PGPEP1: variants seen among roughly 807,000 people sequenced by gnomAD.
The protein encoded by PGPEP1 is pyroglutamyl-peptidase I, also known as pyroglutamyl-peptidase 1.
In PGPEP1, 15 loss-of-function variants were observed where a neutral mutation model predicts 24.1. The ratio of observed to expected loss-of-function variants is 0.62; its 90% CI spans 0.42 to 0.96. The LOEUF is 0.96. Ranked by LOEUF, PGPEP1 falls within the 40% of genes least tolerant of loss-of-function variation. The pLI, the probability that PGPEP1 is intolerant of heterozygous loss-of-function variation, is 0.00. For missense variants in PGPEP1, 242 were observed against 273.4 expected, an observed-to-expected ratio of 0.89 and a Z score of 0.81; for synonymous variants, 122 against 116.4, an observed-to-expected ratio of 1.05 and a Z score of -0.31.
rs1971610240 is a variant in PGPEP1 at position 18,368,264 on chromosome 19, C to A, written c.*4681C>A. ...ACCAGCCTGGCCAACATAGCAAAAC[C>A]CCATCTCTACTAAAAATACAAAAAT... On this transcript the variant is annotated 3_prime_UTR_variant, in exon 5 of 5. Transcript: ENST00000269919. 1 of 152,092 alleles carries A rather than the reference C, an allele frequency of 6.6e-6. No homozygotes were observed. The highest frequency in any genetic ancestry group is 2.4e-5 in the African/African-American group (1 of 41,422). The allele number at this position is 152,092 out of a possible 1,614,324, so 9.4% of individuals were successfully genotyped here.
chr19:18,347,270 C>CTTTCT (rs71336674), intron 2 of PGPEP1, among the ~76,000 whole-genome samples: 5 of 94,412 alleles, frequency 5.3e-5, no homozygotes, highest in African/African-American at 1.2e-4. Flanking sequence ...TTCTTTCTTT[C>CTTTCT]TTTTTTTTTT....
In PGPEP1 at chr19:18,367,143, A is replaced by G; in HGVS notation, c.*3560A>G. 1 of 139,754 alleles carries G rather than the reference A, an allele frequency of 7.2e-6. No homozygotes were observed. Among genetic ancestry groups the G allele is most frequent in the African/African-American group, 2.9e-5 (1 of 34,474 alleles). 8.7% of individuals were successfully genotyped at this position (139,754 alleles called of 1,614,324 possible). The stretch of plus-strand genomic sequence containing the variant: ...TGTAGTCCAGCCCGGGTGACACAGC[A>G]AGACTCTGTCTCAAAAAAAAAAAAA... On this transcript the variant is annotated 3_prime_UTR_variant, in exon 5 of 5. Coordinates refer to ENST00000269919, the MANE Select transcript of PGPEP1 (RefSeq NM_017712.4).
chr19:18,347,074 T>G (rs1970870475), intron 2 of PGPEP1, among the ~76,000 whole-genome samples: 1 of 151,554 alleles, frequency 6.6e-6, no homozygotes, highest in South Asian at 2.1e-4. Flanking sequence ...CTTTTTTTTT[T>G]GAGACAGGGT....
rs1971419403 is a variant in PGPEP1, at chr19:18,363,577, AC to A, written c.625del (p.His209ThrfsTer65). The A allele has an allele frequency of 6.2e-7, 1 of 1,612,070 alleles. No individual in the cohort carries two copies. The highest frequency in any genetic ancestry group is 1.1e-5 in the South Asian group (1 of 90,734). On this transcript the variant is annotated frameshift_variant, in exon 5 of 5. Coordinates refer to ENST00000269919, the MANE Select transcript of PGPEP1 (RefSeq NM_017712.4). LOFTEE classifies it high-confidence loss of function. ...SEGKINYCHK[H>X] Reference sequence around the variant, plus strand: ...AGGGCAAAATCAACTATTGCCACAAACACTGAGGGACGCTCAGGTCTCCTAA... The same window carrying A: ...AGGGCAAAATCAACTATTGCCACAAAACTGAGGGACGCTCAGGTCTCCTAA...
chr19:18,342,455 C>A (rs1418871237), intron 1 of PGPEP1, among the ~76,000 whole-genome samples: 1 of 152,166 alleles, frequency 6.6e-6, no homozygotes, highest in African/African-American at 2.4e-5. Flanking sequence ...AAGGTGAAAT[C>A]TAGACAGCCT....
Position 18,369,749 on chromosome 19 carries a change from C to A in PGPEP1, c.*6166C>A, listed in dbSNP as rs966766355. ...CAAAGGTGACTGTGTTTTCTGCCGC[C>A]GAAGGAGGGCCCGGTCCCTCCAGGC... On this transcript the variant is annotated 3_prime_UTR_variant, in exon 5 of 5. Coordinates refer to ENST00000269919, the MANE Select transcript of PGPEP1 (RefSeq NM_017712.4). The A allele has an allele frequency of 6.6e-6, 1 of 152,090 alleles. No homozygotes were observed. The highest frequency in any genetic ancestry group is 1.5e-5 in the Non-Finnish European group (1 of 68,018). 9.4% of individuals were successfully genotyped at this position (152,090 alleles called of 1,614,324 possible). A position where few individuals can be genotyped will look rare whatever the true frequency, so the allele number is the denominator to read the frequency against.
chr19:18,341,142 C>A (rs1970660592), intron 1 of PGPEP1, among the ~76,000 whole-genome samples: 1 of 152,174 alleles, frequency 6.6e-6, no homozygotes, highest in Non-Finnish European at 1.5e-5. Flanking sequence ...GGCCGATTTG[C>A]GGGCAGGAAG....
chr19:18,351,692 T>C (rs973333684), intron 2 of PGPEP1, among the ~76,000 whole-genome samples: 6 of 151,730 alleles, frequency 4.0e-5, no homozygotes, highest in African/African-American at 1.5e-4. Context: ...TACATGCCTG[T>C]AGTCTCAACT....
At position 18,366,931 on chromosome 19, in the gene PGPEP1, A is replaced by C. The variant is rs1971568872; in HGVS notation, c.*3348A>C. On this transcript the variant is annotated 3_prime_UTR_variant, in exon 5 of 5. Transcript: ENST00000269919. ...CACTTTGGGAGGTTGAGGCAGGAGA[A>C]TCCCTTGAGCCAGGAGTTCAAGACC... 1 of 151,910 alleles carries C rather than the reference A, an allele frequency of 6.6e-6. No homozygotes were observed. Among genetic ancestry groups the C allele is most frequent in the African/African-American group, 2.4e-5 (1 of 41,314 alleles). The allele number at this position is 151,910 out of a possible 1,614,324, so 9.4% of individuals were successfully genotyped here.
chr19:18,352,266 C>CAAAAAAAAAAA (rs60299417), intron 2 of PGPEP1, among the ~76,000 whole-genome samples: 10,270 of 42,814 alleles, frequency 0.24, 2,433 homozygotes, highest in Non-Finnish European at 0.35. Flanking sequence ...GACTCCGTCT[C>CAAAAAAAAAAA]AAAAAAAAAA....
At chr19:18,352,430 CA>C (rs368742529) in intron 2 of PGPEP1, among the ~76,000 whole-genome samples, 193 of 137,428 alleles carry the variant, frequency 1.4e-3, no homozygotes, top group Admixed American at 1.8e-3. Flanking sequence ...TAATCCATCT[CA>C]AAAAAAAAAA....
intron 2 of PGPEP1, among the ~76,000 whole-genome samples, chr19:18,354,361 G>A (rs1463264307): frequency 2.0e-5 from 3 of 151,678 alleles, no homozygotes; most frequent in East Asian, 1.9e-4. Flanking sequence ...CGGGTGTGGC[G>A]GTGGGTGCCT....
chr19:18,365,202 C>T lies in PGPEP1; in HGVS notation c.*1619C>T, dbSNP rs1050388622. 1.3e-5 allele frequency: 2 copies of T among 152,112 alleles called. No homozygotes were observed. Among genetic ancestry groups the T allele is most frequent in the Admixed American group, 6.6e-5 (1 of 15,260 alleles). The allele number at this position is 152,112 out of a possible 1,614,324, so 9.4% of individuals were successfully genotyped here. A position where few individuals can be genotyped will look rare whatever the true frequency, so the allele number is the denominator to read the frequency against. On this transcript the variant is annotated 3_prime_UTR_variant, in exon 5 of 5. Coordinates refer to ENST00000269919, the MANE Select transcript of PGPEP1 (RefSeq NM_017712.4). The stretch of plus-strand genomic sequence containing the variant: ...TGCCCATTAGGGAGAGAGGACGACC[C>T]CCACAGTGAAAGTAATTGAGTGAAA...
At chr19:18,359,796 A>G (rs1161841253) in intron 4 of PGPEP1, among the ~76,000 whole-genome samples, 1 of 151,818 alleles carries the variant, frequency 6.6e-6, no homozygotes, top group Non-Finnish European at 1.5e-5. Context: ...TATAGGCCTG[A>G]GCCACCGCGC....
At chr19:18,348,400 C>T (rs1013705669) in intron 2 of PGPEP1, among the ~76,000 whole-genome samples, 2 of 152,148 alleles carry the variant, frequency 1.3e-5, no homozygotes, top group African/African-American at 2.4e-5. Flanking sequence ...TCAGACGAGG[C>T]TGCGCGGCGG....
chr19:18,356,143 G>A, intron 3 of PGPEP1, 132 bp downstream of exon 3: 1 of 644,832 alleles, frequency 1.6e-6, no homozygotes, highest in Non-Finnish European at 2.9e-6. Flanking sequence ...CCTCAAAAGG[G>A]CTTTTCAGGC....
At position 18,364,873 on chromosome 19, in the gene PGPEP1, T is replaced by C. The variant is rs1380989172; in HGVS notation, c.*1290T>C. On this transcript the variant is annotated 3_prime_UTR_variant, in exon 5 of 5. Coordinates refer to ENST00000269919, the MANE Select transcript of PGPEP1 (RefSeq NM_017712.4). ...CTCCACATCAGCGGAAACCCCCCCCTACTTCTGGCCTGGAGCTTCAGGGTT... is the reference window on the plus strand; with the variant it reads ...CTCCACATCAGCGGAAACCCCCCCCCACTTCTGGCCTGGAGCTTCAGGGTT... 1 of 151,858 alleles carries C rather than the reference T, an allele frequency of 6.6e-6. No individual in the cohort carries two copies. The allele number at this position is 151,858 out of a possible 1,614,324, so 9.4% of individuals were successfully genotyped here.
In PGPEP1 at chr19:18,363,994, T is replaced by G. The variant is rs1446981994; in HGVS notation, c.*411T>G. On this transcript the variant is annotated 3_prime_UTR_variant, in exon 5 of 5. Transcript: ENST00000269919. Reference sequence around the variant, plus strand: ...ATCCAAGACTGGCTTTTACCAAATTTAAAAGCCTCTCAATGCGTCCTCGAC... The same window carrying G: ...ATCCAAGACTGGCTTTTACCAAATTGAAAAGCCTCTCAATGCGTCCTCGAC... 1 of 169,468 alleles carries G rather than the reference T, an allele frequency of 5.9e-6. No homozygotes were observed. The highest frequency in any genetic ancestry group is 1.3e-5 in the Non-Finnish European group (1 of 78,234). The allele number at this position is 169,468 out of a possible 1,614,324, so 10.5% of individuals were successfully genotyped here.
At position 18,340,649 on chromosome 19, in the gene PGPEP1, A is replaced by G. The variant is rs535627193; in HGVS notation, c.-33A>G. 8.5e-6 allele frequency: 13 copies of G among 1,530,856 alleles called. No homozygotes were observed. The African/African-American group carries it at 1.4e-4, about 17-fold the overall frequency. 94.8% of individuals were successfully genotyped at this position (1,530,856 alleles called of 1,614,324 possible). On this transcript the variant is annotated 5_prime_UTR_variant, in exon 1 of 5. Coordinates refer to ENST00000269919, the MANE Select transcript of PGPEP1 (RefSeq NM_017712.4). Reference sequence around the variant, plus strand: ...CAGCAGCTGTCGCGCCAGTCGCAACAGAAGCAGGTCCGAGGCACAGCCCGA... The same window carrying G: ...CAGCAGCTGTCGCGCCAGTCGCAACGGAAGCAGGTCCGAGGCACAGCCCGA...
Sources: gnomAD v4.1 joint callset for allele counts (sites outside exome capture counted in the v4.1 genomes callset) on GRCh38, gnomAD v4.1.1 for gene constraint, MANE v1.5 for transcripts, NCBI Gene and HGNC (gene_info 2026-07-23, HGNC 2026-07-21) for gene names.